Variants in C8orf34 observed in about 807,000 individuals in gnomAD.
C8orf34 encodes the protein uncharacterized protein C8orf34.
A neutral mutation model predicts 68.3 loss-of-function variants in C8orf34; 65 were observed. That is an observed-to-expected ratio of 0.95 (90% CI 0.78 to 1.17). C8orf34 has a LOEUF of 1.17. Ranked by LOEUF, C8orf34 falls within the 50% of genes most tolerant of loss-of-function variation. C8orf34 has a pLI of 0.00. For missense variants in C8orf34, 664 were observed against 655.4 expected, an observed-to-expected ratio of 1.01 and a Z score of -0.14; for synonymous variants, 244 against 241.2, an observed-to-expected ratio of 1.01 and a Z score of -0.11.
At chr8:68,608,041 A>G (rs1817907206) in intron 7 of C8orf34, among the ~76,000 whole-genome samples, 1 of 141,656 alleles carries the variant, frequency 7.1e-6, no homozygotes, top group Non-Finnish European at 1.5e-5. Flanking sequence ...ACAATATAGT[A>G]GTTTTTATTA....
At chr8:68,747,010 G>C (rs1446348034) in intron 10 of C8orf34, among the ~76,000 whole-genome samples, 1 of 149,524 alleles carries the variant, frequency 6.7e-6, no homozygotes, top group African/African-American at 2.4e-5. Context: ...ACCGAATCCA[G>C]CAGCACATCA....
At chr8:68,547,954 A>C (rs1815940747) in intron 7 of C8orf34, among the ~76,000 whole-genome samples, 1 of 151,820 alleles carries the variant, frequency 6.6e-6, no homozygotes, top group Non-Finnish European at 1.5e-5. Context: ...TACAGAAAGG[A>C]AAATATTTTC....
At chr8:68,648,401 T>C (rs1819243218) in intron 8 of C8orf34, among the ~76,000 whole-genome samples, 1 of 152,220 alleles carries the variant, frequency 6.6e-6, no homozygotes, top group African/African-American at 2.4e-5. Flanking sequence ...ACAGTTAAGA[T>C]ACCAATAACT....
intron 8 of C8orf34, among the ~76,000 whole-genome samples, chr8:68,643,827 A>G (rs1006767172): frequency 6.6e-6 from 1 of 152,218 alleles, no homozygotes; most frequent in Non-Finnish European, 1.5e-5. Flanking sequence ...ATAAAAAAAA[A>G]TCAGGATATC....
intron 1 of C8orf34, among the ~76,000 whole-genome samples, chr8:68,341,379 T>G (rs1806062800): frequency 6.6e-6 from 1 of 152,158 alleles, no homozygotes; most frequent in African/African-American, 2.4e-5. Context: ...GACCTCAGTC[T>G]TACACCTTGT....
intron 6 of C8orf34, among the ~76,000 whole-genome samples, chr8:68,526,669 T>C (rs752874016): frequency 7.0e-6 from 1 of 143,282 alleles, no homozygotes; most frequent in Non-Finnish European, 1.5e-5. Context: ...GGGCACCCTT[T>C]AATTAATGAC....
At chr8:68,512,344 A>C (rs560774573) in intron 5 of C8orf34, among the ~76,000 whole-genome samples, 1 of 152,212 alleles carries the variant, frequency 6.6e-6, no homozygotes, top group Non-Finnish European at 1.5e-5. Context: ...TCATTTTGGC[A>C]ATCCCGTGTA....
chr8:68,374,682 A>T (rs1355942349), intron 1 of C8orf34, among the ~76,000 whole-genome samples: 1 of 152,220 alleles, frequency 6.6e-6, no homozygotes. Flanking sequence ...AGTTATTATT[A>T]TCATTTCCTT....
chr8:68,790,778 A>G, intron 12 of C8orf34: 2 of 659,344 alleles, frequency 3.0e-6, no homozygotes, highest in Non-Finnish European at 2.7e-6. Flanking sequence ...CTACTGGGGT[A>G]CTTGTTTAAC....
chr8:68,344,168 CA>C (rs554493327), intron 1 of C8orf34, among the ~76,000 whole-genome samples: 112 of 151,908 alleles, frequency 7.4e-4, no homozygotes, highest in Non-Finnish European at 1.4e-3. Flanking sequence ...AGGAACAACC[CA>C]AATATGGCTG....
At chr8:68,437,653 T>C (rs779999495) in intron 1 of C8orf34, among the ~76,000 whole-genome samples, 7 of 152,168 alleles carry the variant, frequency 4.6e-5, no homozygotes, top group Non-Finnish European at 1.0e-4. Context: ...TTTATTATTA[T>C]AATTGAAATA....
At chr8:68,789,475 C>A (rs1823932198) in intron 12 of C8orf34, among the ~76,000 whole-genome samples, 1 of 152,182 alleles carries the variant, frequency 6.6e-6, no homozygotes, top group Non-Finnish European at 1.5e-5. Flanking sequence ...GAGTAGAAAA[C>A]ATAGCCTAAT....
intron 7 of C8orf34, among the ~76,000 whole-genome samples, chr8:68,556,445 C>G (rs765244529): frequency 9.9e-5 from 15 of 151,478 alleles, no homozygotes; most frequent in Admixed American, 2.0e-4. Flanking sequence ...CTGTCATTTC[C>G]CTGATTAGTA....
At chr8:68,804,021 A>AT (rs1444870081) in intron 12 of C8orf34, among the ~76,000 whole-genome samples, 1 of 152,196 alleles carries the variant, frequency 6.6e-6, no homozygotes, top group Non-Finnish European at 1.5e-5. Context: ...TCAACTGACA[A>AT]TTTTTAAAAA....
intron 10 of C8orf34, among the ~76,000 whole-genome samples, chr8:68,743,627 G>A (rs1354007769): frequency 6.6e-6 from 1 of 152,214 alleles, no homozygotes; most frequent in Non-Finnish European, 1.5e-5. Flanking sequence ...GTGACAGATG[G>A]CACCTGAAAA....
intron 8 of C8orf34, among the ~76,000 whole-genome samples, chr8:68,704,815 T>C (rs1205679091): frequency 4.6e-5 from 7 of 151,834 alleles, no homozygotes; most frequent in African/African-American, 1.2e-4. Context: ...AGTATACTTA[T>C]GTCTTAACAT....
intron 7 of C8orf34, chr8:68,535,148 T>C: frequency 1.0e-6 from 1 of 985,064 alleles, no homozygotes; most frequent in South Asian, 4.7e-5. Flanking sequence ...TTGAAATGGA[T>C]TCCAGCAAAA....
At chr8:68,697,148 G>A (rs534220758) in intron 8 of C8orf34, among the ~76,000 whole-genome samples, 23 of 151,572 alleles carry the variant, frequency 1.5e-4, no homozygotes, top group South Asian at 1.0e-3. Context: ...TTTTTATATC[G>A]GGTATATTTT....
At chr8:68,465,720 A>G (rs921274107) in intron 3 of C8orf34, among the ~76,000 whole-genome samples, 1 of 148,736 alleles carries the variant, frequency 6.7e-6, no homozygotes, top group African/African-American at 2.5e-5. Context: ...CAAACACCGC[A>G]TGTTCTCACT....
Sources: allele counts gnomAD v4.1 joint callset (sites outside exome capture counted in the v4.1 genomes callset), GRCh38; gene constraint gnomAD v4.1.1; transcripts MANE v1.5; gene names NCBI Gene and HGNC (gene_info 2026-07-23, HGNC 2026-07-21).